The following TANC2 variants were observed in gnomAD, a reference collection of about 807,000 sequenced individuals.
TANC2 encodes protein TANC2.
A neutral mutation model predicts 210.5 loss-of-function variants in TANC2; 26 were observed. The ratio of observed to expected loss-of-function variants is 0.12; its 90% CI spans 0.09 to 0.17. The LOEUF (loss-of-function observed/expected upper bound fraction) is 0.17. Ranked by LOEUF, TANC2 falls within the 10% of genes least tolerant of loss-of-function variation. The pLI is 1.00. For missense variants in TANC2, 2,129 were observed against 2,608.9 expected, an observed-to-expected ratio of 0.82 and a Z score of 4.01; for synonymous variants, 931 against 967.1, an observed-to-expected ratio of 0.96 and a Z score of 0.69.
chr17:63,220,714 A>AT (rs1467456803), intron 7 of TANC2, among the ~76,000 whole-genome samples: 12 of 128,458 alleles, frequency 9.3e-5, no homozygotes, highest in African/African-American at 1.8e-4. Context: ...AAAAAAAAAA[A>AT]AAAAAATATA....
intron 22 of TANC2, 118 bp from the exon 23 acceptor site, chr17:63,411,880 C>A: frequency 6.8e-7 from 1 of 1,473,538 alleles, no homozygotes; most frequent in Non-Finnish European, 9.2e-7. Flanking sequence ...AAATACATGG[C>A]AGCATAGCCT....
chr17:63,194,022 A>T lies in TANC2; in HGVS notation c.465A>T (p.Pro155=), dbSNP rs773770753. The T allele has an allele frequency of 1.9e-6, 3 of 1,613,108 alleles. No individual in the cohort carries two copies. In the African/African-American group the frequency reaches 4.0e-5, roughly 22 times the overall value. The stretch of plus-strand genomic sequence containing the variant: ...CTGAACAGGAGCTTGGCCCCCCTCC[A>T]TCTGTAGATGAGGCAGCAAACACAC... The change falls in exon 6 of 28, where the codon CCA becomes CCT. Residue 155 remains proline, a synonymous_variant. Transcript: ENST00000689528.
intron 2 of TANC2, among the ~76,000 whole-genome samples, chr17:63,054,289 T>C (rs1198804137): frequency 6.6e-6 from 1 of 152,230 alleles, no homozygotes; most frequent in Non-Finnish European, 1.5e-5. Flanking sequence ...TCTTCATTTC[T>C]TCTGTTTATC....
chr17:63,237,835 A>C, exon 8 of TANC2: 1 of 1,547,740 alleles, frequency 6.5e-7, no homozygotes, highest in Non-Finnish European at 8.7e-7. Context: ...AGCTATTCTG[A>C]AAATGTGGAA....
intron 2 of TANC2, among the ~76,000 whole-genome samples, chr17:63,068,097 C>A (rs2036267150): frequency 1.3e-5 from 2 of 151,962 alleles, no homozygotes; most frequent in Non-Finnish European, 2.9e-5. Context: ...TAGAGGGGAA[C>A]AACAATTTGA....
chr17:63,285,407 A>T (rs958715238), intron 9 of TANC2, among the ~76,000 whole-genome samples: 1 of 152,056 alleles, frequency 6.6e-6, no homozygotes, highest in Non-Finnish European at 1.5e-5. Context: ...CATGTATACT[A>T]TGTAGGTTTA....
chr17:63,006,087 A>G (rs1429751073), intron 1 of TANC2, among the ~76,000 whole-genome samples: 1 of 152,052 alleles, frequency 6.6e-6, no homozygotes, highest in African/African-American at 2.4e-5. Flanking sequence ...AAAGTTGTTC[A>G]CAATATCTTA....
chr17:62,979,134 T>G (rs2032174281), intron 1 of TANC2, among the ~76,000 whole-genome samples: 1 of 152,168 alleles, frequency 6.6e-6, no homozygotes. Flanking sequence ...AGTCTGATTC[T>G]CCTTTCTTTA....
Position 63,421,764 on chromosome 17 carries a change from A to T in TANC2, c.6034A>T (p.Asn2012Tyr). The stretch of plus-strand genomic sequence containing the variant: ...TTACAGCCCCCATGGGATGCTGGCT[A>T]ACGGGTCTCGTGGAGACCTCTTGGA... Residue 2012 changes from asparagine (N) to tyrosine (Y), a missense_variant, in exon 28 of 28, where the codon AAC becomes TAC. By Grantham distance (143) the Asn-to-Tyr change is moderately radical. This residue lies in a region of TANC2 where 161 missense variants were observed against 178.6 expected (regional missense o/e 0.90). Coordinates refer to ENST00000689528, the Ensembl canonical transcript of TANC2. This position sits in a 1 kb window ranked among gnomAD's most constrained non-coding sequence, Gnocchi z 6.9. 1 of 1,614,042 alleles carries T rather than the reference A, an allele frequency of 6.2e-7. No individual in the cohort carries two copies. Among genetic ancestry groups the T allele is most frequent in the East Asian group, 2.2e-5 (1 of 44,884 alleles).
intron 4 of TANC2, among the ~76,000 whole-genome samples, chr17:63,135,504 A>G (rs1045822830): frequency 1.6e-4 from 25 of 152,172 alleles, no homozygotes; most frequent in Admixed American, 2.6e-4. Context: ...CATTTGAAAG[A>G]GAAGTCATCA....
intron 8 of TANC2, among the ~76,000 whole-genome samples, chr17:63,247,914 T>C (rs988146426): frequency 6.6e-6 from 1 of 152,098 alleles, no homozygotes; most frequent in Admixed American, 6.6e-5. Flanking sequence ...CTGGAAACCA[T>C]GGTTTCAGGA....
intron 5 of TANC2, among the ~76,000 whole-genome samples, chr17:63,185,793 T>C (rs779417613): frequency 2.0e-5 from 3 of 152,242 alleles, no homozygotes; most frequent in Non-Finnish European, 1.5e-5. Context: ...TATTTGGATA[T>C]TCTCTTTTGT....
At chr17:63,242,756 G>A (rs2042810096) in intron 8 of TANC2, among the ~76,000 whole-genome samples, 1 of 152,112 alleles carries the variant, frequency 6.6e-6, no homozygotes, top group Non-Finnish European at 1.5e-5. Context: ...ACAGGTGAAT[G>A]GATAAACAAT....
chr17:63,015,209 A>G (rs571591928), intron 2 of TANC2, among the ~76,000 whole-genome samples: 4 of 152,096 alleles, frequency 2.6e-5, no homozygotes, highest in African/African-American at 9.6e-5. Context: ...GAAGGGAATT[A>G]TCTGTCTTAA....
intron 3 of TANC2, among the ~76,000 whole-genome samples, chr17:63,074,614 AC>A (rs2036510570): frequency 6.6e-6 from 1 of 152,066 alleles, no homozygotes; most frequent in Non-Finnish European, 1.5e-5. Context: ...TATAGTACTT[AC>A]CACCTTCCTA....
At chr17:63,266,476 GTTTACT>G (rs1344356115) in intron 8 of TANC2, among the ~76,000 whole-genome samples, 1 of 152,124 alleles carries the variant, frequency 6.6e-6, no homozygotes, top group Non-Finnish European at 1.5e-5. Context: ...GGAGATGTAA[GTTTACT>G]TACTGTCATA....
chr17:63,195,705 C>T (rs914145796), intron 6 of TANC2, among the ~76,000 whole-genome samples: 1 of 152,156 alleles, frequency 6.6e-6, no homozygotes, highest in South Asian at 2.1e-4. Context: ...CTCTTGCCCC[C>T]CTGTAGTCTG....
At chr17:63,190,092 T>C (rs1395065832) in intron 5 of TANC2, among the ~76,000 whole-genome samples, 2 of 152,166 alleles carry the variant, frequency 1.3e-5, no homozygotes, top group Non-Finnish European at 2.9e-5. Context: ...TTTAGCACTT[T>C]GGGAGGGTGA....
chr17:63,353,185 A>G (rs981394517), intron 13 of TANC2, among the ~76,000 whole-genome samples: 8 of 152,178 alleles, frequency 5.3e-5, no homozygotes, highest in African/African-American at 1.9e-4. Flanking sequence ...GACTAGAGTG[A>G]TAATGATGGG....
Sources: gnomAD v4.1 joint callset for allele counts (sites outside exome capture counted in the v4.1 genomes callset) on GRCh38, gnomAD v4.1.1 for gene constraint, gnomAD v4.1.1 regional missense constraint, Gnocchi (gnomAD v3.1) non-coding constraint, MANE v1.5 for transcripts, NCBI Gene and HGNC (gene_info 2026-07-23, HGNC 2026-07-21) for gene names.